The following MTUS1 variants were observed in gnomAD, a reference collection of about 807,000 sequenced individuals.
The protein encoded by MTUS1 is microtubule associated scaffold protein 1.
A neutral mutation model predicts 120.8 loss-of-function variants in MTUS1; 109 were observed. The observed-to-expected ratio is 0.90, with a 90% CI of 0.77 to 1.06. The LOEUF is 1.06. MTUS1 is among the 50% of genes least tolerant of loss of function. MTUS1 has a pLI of 0.00. For missense variants in MTUS1, 2,210 were observed against 1,486.3 expected (o/e 1.49, Z -8.01); for synonymous variants, 737 against 550.5 (o/e 1.34, Z -4.74).
intron 8 of MTUS1, among the ~76,000 whole-genome samples, chr8:17,672,209 T>C (rs1812174676): frequency 6.6e-6 from 1 of 152,180 alleles, no homozygotes; most frequent in Non-Finnish European, 1.5e-5. Context: ...AAACAGCCAG[T>C]GTGGTTAATT....
chr8:17,709,194 A>G (rs1187696488), intron 6 of MTUS1, among the ~76,000 whole-genome samples: 2 of 151,844 alleles, frequency 1.3e-5, no homozygotes, highest in African/African-American at 4.8e-5. Context: ...CCTGCTTATT[A>G]CACTGAGGAA....
chr8:17,657,835 G>A (rs1808748199), intron 8 of MTUS1, among the ~76,000 whole-genome samples: 5 of 141,462 alleles, frequency 3.5e-5, no homozygotes, highest in African/African-American at 5.2e-5. Flanking sequence ...TAAAATGAAA[G>A]GTTAAAAAAA....
At chr8:17,744,180 T>A (rs1000743418) in intron 2 of MTUS1, among the ~76,000 whole-genome samples, 1 of 152,242 alleles carries the variant, frequency 6.6e-6, no homozygotes, top group Admixed American at 6.5e-5. Context: ...AGCTGTCTCT[T>A]GTAGGGGCAA....
intron 1 of MTUS1, among the ~76,000 whole-genome samples, chr8:17,797,517 C>T (rs1158194786): frequency 1.3e-5 from 2 of 152,170 alleles, no homozygotes; most frequent in African/African-American, 4.8e-5. Flanking sequence ...TAAAGTCTCC[C>T]TGGTCAAAGT....
At position 17,684,332 on chromosome 8, in the gene MTUS1, G is replaced by T. The variant is rs1295623084; in HGVS notation, c.2834C>A (p.Ser945Tyr). ...ALTVVIQHLL[S>Y]EREEALKQHK... ...TTCTAGGATGCACCTCCTTACCTCA[G>T]ACAGCAGGTGCTGAATCACAACTGT... The change falls in exon 7 of 15, where the codon TCT (serine) becomes TAT (tyrosine). Residue 945 changes from serine (S) to tyrosine (Y), a missense_variant. Transcript: ENST00000693296. 2 of 1,613,514 alleles carry T rather than the reference G, an allele frequency of 1.2e-6. No homozygotes were observed. Among genetic ancestry groups the T allele is most frequent in the East Asian group, 4.5e-5 (2 of 44,888 alleles).
At chr8:17,772,166 T>G (rs1278488723) in intron 1 of MTUS1, among the ~76,000 whole-genome samples, 1 of 152,194 alleles carries the variant, frequency 6.6e-6, no homozygotes, top group East Asian at 1.9e-4. Flanking sequence ...AACTCTAATT[T>G]TTATCCTTGA....
intron 4 of MTUS1, among the ~76,000 whole-genome samples, chr8:17,717,457 G>C (rs1822561233): frequency 1.3e-5 from 2 of 152,158 alleles, no homozygotes; most frequent in South Asian, 2.1e-4. Flanking sequence ...AAGAAAATTA[G>C]ACAGTCTTAA....
At chr8:17,656,418 C>T (rs1337674248) in intron 8 of MTUS1, among the ~76,000 whole-genome samples, 1 of 151,792 alleles carries the variant, frequency 6.6e-6, no homozygotes, top group African/African-American at 2.4e-5. Flanking sequence ...ATCCCAGCTA[C>T]TCGGGAGGGT....
intron 3 of MTUS1, among the ~76,000 whole-genome samples, chr8:17,731,645 GA>G (rs1029389512): frequency 2.0e-5 from 3 of 150,504 alleles, no homozygotes; most frequent in East Asian, 2.0e-4. Context: ...ACATAAAAGT[GA>G]AAAAAAATTA....
chr8:17,688,280 T>G (rs1816244058), intron 6 of MTUS1, among the ~76,000 whole-genome samples: 1 of 152,222 alleles, frequency 6.6e-6, no homozygotes, highest in Non-Finnish European at 1.5e-5. Context: ...CCTGCCCTGG[T>G]GCTTTGCGGG....
chr8:17,728,784 G>C lies in MTUS1; in HGVS notation c.2288-4951C>G, dbSNP rs193212205. ...GGATATGGTGGGAAGATGTGGGTTGGGGGGGTCGGGGAGGGTGAGGCTTTT... is the reference window on the plus strand; with the variant it reads ...GGATATGGTGGGAAGATGTGGGTTGCGGGGGTCGGGGAGGGTGAGGCTTTT... On this transcript the variant is annotated intron_variant, in intron 3 of 14. Transcript: ENST00000693296. 3.0e-3 allele frequency among the ~76,000 whole-genome samples: 457 copies of C among 152,154 alleles called. 1 individual carries two copies. The highest frequency in any genetic ancestry group is 0.01 in the African/African-American group (418 of 41,514).
At chr8:17,748,998 A>G (rs955374498) in intron 2 of MTUS1, among the ~76,000 whole-genome samples, 3 of 152,208 alleles carry the variant, frequency 2.0e-5, no homozygotes, top group Non-Finnish European at 2.9e-5. Context: ...ATGTAAAGCA[A>G]AAATAAAATT....
intron 7 of MTUS1, among the ~76,000 whole-genome samples, chr8:17,681,962 T>C (rs1424740179): frequency 6.6e-6 from 1 of 152,220 alleles, no homozygotes; most frequent in African/African-American, 2.4e-5. Flanking sequence ...ATATTTTACA[T>C]CCTTTGTTTT....
chr8:17,691,903 T>C (rs932966678), intron 6 of MTUS1: 2 of 152,206 alleles, frequency 1.3e-5, no homozygotes, highest in Non-Finnish European at 2.9e-5. Context: ...TTGAACACAT[T>C]CTTCCCAATG....
intron 8 of MTUS1, 92 bp from the exon 9 acceptor site, chr8:17,656,157 T>C: frequency 1.8e-6 from 2 of 1,094,082 alleles, no homozygotes; most frequent in Non-Finnish European, 2.8e-6. Flanking sequence ...TGATGACACC[T>C]GAAGCATACA....
intron 6 of MTUS1, among the ~76,000 whole-genome samples, chr8:17,701,704 C>T (rs140477870): frequency 0.042 from 6,397 of 152,088 alleles, 159 homozygotes; most frequent in Middle Eastern, 0.065. Context: ...CCCGCCACCA[C>T]GCCTGACTAA....
chr8:17,706,914 T>G (rs1359179563), intron 6 of MTUS1, among the ~76,000 whole-genome samples: 1 of 152,224 alleles, frequency 6.6e-6, no homozygotes, highest in Non-Finnish European at 1.5e-5. Flanking sequence ...GGGTGATTTC[T>G]AAACTACATG....
At position 17,743,630 on chromosome 8, in the gene MTUS1, T is replaced by C. The variant is rs775452690; in HGVS notation, c.2261A>G (p.Gln754Arg). ...NPSADRAVSPQRIRRVSSSGK... is the reference protein window; with the variant it reads ...NPSADRAVSPRRIRRVSSSGK... ...AGAACTGGACACACGCCTGATCCTC[T>C]GAGGAGATACGGCTCGATCAGCACT... is the stretch of plus-strand genomic sequence containing the variant. The change falls in exon 3 of 15, where the codon CAG becomes CGG. Residue 754 changes from glutamine (Q) to arginine (R), a missense_variant. Transcript: ENST00000693296. The C allele has an allele frequency of 1.9e-6, 3 of 1,614,158 alleles. No individual in the cohort carries two copies. Among genetic ancestry groups the C allele is most frequent in the Non-Finnish European group, 1.7e-6 (2 of 1,180,028 alleles).
intron 1 of MTUS1, among the ~76,000 whole-genome samples, chr8:17,763,068 T>G (rs2049170244): frequency 6.6e-6 from 1 of 151,876 alleles, no homozygotes; most frequent in Non-Finnish European, 1.5e-5. Flanking sequence ...CTTGGCTCAC[T>G]GCAACCTCCC....
Sources: gnomAD v4.1 joint callset for allele counts (sites outside exome capture counted in the v4.1 genomes callset) on GRCh38, gnomAD v4.1.1 for gene constraint, MANE v1.5 for transcripts, NCBI Gene and HGNC (gene_info 2026-07-23, HGNC 2026-07-21) for gene names.